PTPRT: variants seen among roughly 807,000 people sequenced by gnomAD.
PTPRT encodes protein tyrosine phosphatase receptor type T, also known as receptor-type tyrosine-protein phosphatase T.
In PTPRT, 56 loss-of-function variants were observed where a neutral mutation model predicts 176.8. That is an observed-to-expected ratio of 0.32 (90% confidence interval 0.26 to 0.40). The LOEUF is 0.40. Among genes scored for constraint, PTPRT ranks in the 10% least tolerant of loss-of-function variants. The pLI is 1.00. For missense variants in PTPRT, 1,540 were observed against 1,908.2 expected, an observed-to-expected ratio of 0.81 and a Z score of 3.60; for synonymous variants, 783 against 739.0, an observed-to-expected ratio of 1.06 and a Z score of -0.96.
At chr20:42,669,429 C>T (rs773585717) in intron 7 of PTPRT, among the ~76,000 whole-genome samples, 4 of 152,116 alleles carry the variant, frequency 2.6e-5, no homozygotes, top group Admixed American at 6.5e-5. Flanking sequence ...CTACTGGCTA[C>T]TGTTTCCATG....
chr20:42,544,510 A>G (rs2072639105), intron 7 of PTPRT, among the ~76,000 whole-genome samples: 1 of 151,706 alleles, frequency 6.6e-6, no homozygotes, highest in South Asian at 2.1e-4. Flanking sequence ...GACCACTCAA[A>G]CTCTCTATGT....
chr20:42,346,596 G>C (rs1374433638), intron 11 of PTPRT, among the ~76,000 whole-genome samples: 2 of 152,170 alleles, frequency 1.3e-5, no homozygotes, highest in Non-Finnish European at 2.9e-5. Flanking sequence ...TGGCTGGAGG[G>C]ATGAGGGTGC....
At position 42,472,446 on chromosome 20, in the gene PTPRT, C is replaced by T. The variant is rs776769442; in HGVS notation, c.1270G>A (p.Val424Met). 21 of 1,614,230 alleles carry T rather than the reference C, an allele frequency of 1.3e-5. No individual in the cohort carries two copies. Among genetic ancestry groups the T allele is most frequent in the South Asian group, 7.7e-5 (7 of 91,088 alleles). ...TGGTTGAACACATACTGGTACTGCA[C>T]GGTGAGGTTGTAGCTATGGCAGCGG... The part of the protein sequence containing the change: ...VTRCHSYNLT[V>M]QYQYVFNQQQ... Residue 424 changes from valine to methionine, a missense_variant, in exon 8 of 31, where the codon GTG (valine) becomes ATG (methionine). Coordinates refer to ENST00000373187, the MANE Select transcript of PTPRT (RefSeq NM_007050.6).
chr20:42,857,181 T>G (rs2078578977), intron 2 of PTPRT, among the ~76,000 whole-genome samples: 1 of 152,224 alleles, frequency 6.6e-6, no homozygotes, highest in African/African-American at 2.4e-5. Context: ...AAAAGTCATT[T>G]TATTTATCTG....
chr20:42,056,326 A>T, the PTPRT span, among the ~76,000 whole-genome samples: 1 of 152,214 alleles, frequency 6.6e-6, no homozygotes, highest in Admixed American at 6.5e-5. Context: ...GTGGAAAAAT[A>T]TATATATTTG....
intron 21 of PTPRT, among the ~76,000 whole-genome samples, chr20:42,116,847 A>G (rs1353181325): frequency 6.6e-6 from 1 of 152,140 alleles, no homozygotes; most frequent in Non-Finnish European, 1.5e-5. Context: ...CCCAAATCCA[A>G]TTTAGATTTA....
intron 1 of PTPRT, among the ~76,000 whole-genome samples, chr20:42,950,637 A>G (rs1446836185): frequency 1.3e-5 from 2 of 152,206 alleles, no homozygotes; most frequent in Non-Finnish European, 2.9e-5. Context: ...CAGAGGAGGC[A>G]CCACAGCCTT....
chr20:42,431,019 C>T (rs1024021209), intron 9 of PTPRT, among the ~76,000 whole-genome samples: 1 of 151,892 alleles, frequency 6.6e-6, no homozygotes, highest in Non-Finnish European at 1.5e-5. Flanking sequence ...ATTTCATGTT[C>T]GTGTGTGCGG....
At chr20:42,144,330 C>T (rs1242359177) in intron 17 of PTPRT, among the ~76,000 whole-genome samples, 1 of 152,104 alleles carries the variant, frequency 6.6e-6, no homozygotes, top group Non-Finnish European at 1.5e-5. Flanking sequence ...TTGAATACTG[C>T]ACACTTTTTT....
Position 42,756,554 on chromosome 20 carries a change from T to C in PTPRT, c.767A>G (p.Asp256Gly), listed in dbSNP as rs2076835896. ...CTTGCTGACGCTCCGCTGGGCAGTG[T>C]CTGCCACACTGACTGTGGCTGAGAA... Reference protein sequence around the residue: ...RRFSATVSVADTAQRSVSKYR... With the variant: ...RRFSATVSVAGTAQRSVSKYR... Residue 256 changes from aspartate to glycine, a missense_variant, in exon 6 of 31, where the codon GAC (aspartate) becomes GGC (glycine). Transcript: ENST00000373187. 1.9e-6 allele frequency: 3 copies of C among 1,613,216 alleles called. No individual in the cohort carries two copies. The highest frequency in any genetic ancestry group is 2.5e-6 in the Non-Finnish European group (3 of 1,179,366).
intron 3 of PTPRT, among the ~76,000 whole-genome samples, chr20:42,788,187 G>A (rs1338353132): frequency 2.0e-5 from 3 of 151,924 alleles, no homozygotes; most frequent in Non-Finnish European, 4.4e-5. Flanking sequence ...GTAAAGAAGG[G>A]AACAGGGGCT....
At position 42,118,391 on chromosome 20, in the gene PTPRT, G is replaced by A. The variant is rs746726942; in HGVS notation, c.2982+12C>T. 51 of 1,604,056 alleles carry A rather than the reference G, an allele frequency of 3.2e-5. No homozygotes were observed. In the Admixed American group the frequency reaches 8.5e-4, roughly 27 times the overall value. ...AGCATCCTCTGCCCAGGCGAGTGCA[G>A]GAGAGGCTTACCCTGCCCACTTCCA... is the stretch of plus-strand genomic sequence containing the variant. On this transcript the variant is annotated intron_variant, in intron 21 of 30. Coordinates refer to ENST00000373187, the MANE Select transcript of PTPRT (RefSeq NM_007050.6).
intron 1 of PTPRT, among the ~76,000 whole-genome samples, chr20:42,979,089 C>G (rs910059778): frequency 6.6e-6 from 1 of 152,080 alleles, no homozygotes; most frequent in African/African-American, 2.4e-5. Context: ...AAATTGTTGT[C>G]AACGTAAATC....
chr20:42,710,073 A>G (rs1241418764), intron 6 of PTPRT, among the ~76,000 whole-genome samples: 1 of 152,204 alleles, frequency 6.6e-6, no homozygotes, highest in Non-Finnish European at 1.5e-5. Flanking sequence ...ATGTGGGAAC[A>G]AAGGAGTGAC....
intron 11 of PTPRT, among the ~76,000 whole-genome samples, chr20:42,339,835 T>C (rs921514200): frequency 6.6e-6 from 1 of 152,190 alleles, no homozygotes; most frequent in Non-Finnish European, 1.5e-5. Flanking sequence ...GAAGTCTAGC[T>C]CGGTAGATCA....
intron 14 of PTPRT, among the ~76,000 whole-genome samples, chr20:42,238,257 G>C (rs1358255215): frequency 6.6e-6 from 1 of 152,208 alleles, no homozygotes; most frequent in Non-Finnish European, 1.5e-5. Flanking sequence ...AGGAAAGTGA[G>C]TCTAAAAGTT....
intron 1 of PTPRT, among the ~76,000 whole-genome samples, chr20:43,147,785 A>G (rs1432570606): frequency 6.6e-6 from 1 of 152,154 alleles, no homozygotes; most frequent in Non-Finnish European, 1.5e-5. Flanking sequence ...CCATCTCCCA[A>G]GGGCAGCTTC....
intron 15 of PTPRT, among the ~76,000 whole-genome samples, chr20:42,213,357 G>A (rs2055692086): frequency 8.5e-6 from 1 of 118,260 alleles, no homozygotes; most frequent in Admixed American, 9.1e-5. Flanking sequence ...ATCTCATTGA[G>A]TTGCCGTGAA....
chr20:42,178,698 T>C (rs879545134), intron 16 of PTPRT, among the ~76,000 whole-genome samples: 2 of 152,206 alleles, frequency 1.3e-5, no homozygotes, highest in Admixed American at 6.5e-5. Context: ...AGCTGACCGC[T>C]GTGGTAATGA....
Sources: allele counts gnomAD v4.1 joint callset (sites outside exome capture counted in the v4.1 genomes callset), GRCh38; gene constraint gnomAD v4.1.1; transcripts MANE v1.5; gene names NCBI Gene and HGNC (gene_info 2026-07-23, HGNC 2026-07-21).